Variants in TNFRSF10B observed in about 807,000 individuals in gnomAD.
The protein encoded by TNFRSF10B is TNF receptor superfamily member 10b.
In TNFRSF10B, 35 loss-of-function variants were observed where a neutral mutation model predicts 41.4. The observed-to-expected ratio is 0.85, with a 90% CI of 0.65 to 1.12. TNFRSF10B has a LOEUF of 1.12. Ranked by LOEUF, TNFRSF10B falls within the 50% of genes most tolerant of loss-of-function variation. TNFRSF10B has a pLI of 0.00. For synonymous variants in TNFRSF10B, 230 were observed against 215.5 expected, an observed-to-expected ratio of 1.07 and a Z score of -0.59; for missense variants, 584 against 552.7, an observed-to-expected ratio of 1.06 and a Z score of -0.57.
Position 23,024,913 on chromosome 8 carries a change from GT to G in TNFRSF10B, c.937-654del, listed in dbSNP as rs375517045. Reference sequence around the variant, plus strand: ...TCCCAGCACTCTGGGAGGCTGAGGTGTGAAGACTGCTTGAGCCCAGGAGTTT... The same window carrying G: ...TCCCAGCACTCTGGGAGGCTGAGGTGGAAGACTGCTTGAGCCCAGGAGTTT... On this transcript the variant is annotated intron_variant, in intron 7 of 8. Transcript: ENST00000276431. 6.7e-4 allele frequency among the ~76,000 whole-genome samples: 102 copies of G among 152,270 alleles called. 3 individuals carry two copies. In the East Asian group the frequency reaches 0.014, roughly 21 times the overall value.
Position 23,020,698 on chromosome 8 carries a change from A to G in TNFRSF10B, c.*1973T>C, listed in dbSNP as rs1274300056. 2 of 453,746 alleles carry G rather than the reference A, an allele frequency of 4.4e-6. No individual in the cohort carries two copies. Among genetic ancestry groups the G allele is most frequent in the Non-Finnish European group, 8.8e-6 (2 of 226,790 alleles). The allele number at this position is 453,746 out of a possible 1,614,324, so 28.1% of individuals were successfully genotyped here. A position where few individuals can be genotyped will look rare whatever the true frequency, so the allele number is the denominator to read the frequency against. On this transcript the variant is annotated 3_prime_UTR_variant, in exon 9 of 9. Coordinates refer to ENST00000276431, the MANE Select transcript of TNFRSF10B (RefSeq NM_003842.5). Reference sequence around the variant, plus strand: ...GAGAGTGAGATTCTGTCTCAAAAAAATTAAAAATAAAAGAAAAATCTTAAA... The same window carrying G: ...GAGAGTGAGATTCTGTCTCAAAAAAGTTAAAAATAAAAGAAAAATCTTAAA...
At chr8:23,046,425 A>C (rs767686231) in intron 1 of TNFRSF10B, among the ~76,000 whole-genome samples, 1 of 152,178 alleles carries the variant, frequency 6.6e-6, no homozygotes, top group Non-Finnish European at 1.5e-5. Flanking sequence ...TGAACAAAAC[A>C]GAAGAGACAA....
intron 1 of TNFRSF10B, among the ~76,000 whole-genome samples, chr8:23,059,293 A>T (rs555161537): frequency 2.6e-5 from 4 of 152,330 alleles, no homozygotes; most frequent in African/African-American, 9.6e-5. Flanking sequence ...ACTGCTATAA[A>T]CGTGGGTGTA....
In TNFRSF10B at chr8:23,022,967, C is replaced by A; in HGVS notation, c.1027G>T (p.Asp343Tyr). The A allele has an allele frequency of 2.5e-6, 4 of 1,612,706 alleles. No individual in the cohort carries two copies. The highest frequency in any genetic ancestry group is 3.4e-6 in the Non-Finnish European group (4 of 1,180,020). Residue 343 changes from aspartate (D) to tyrosine (Y), a missense_variant, in exon 9 of 9, where the codon GAT becomes TAT. Asp to Tyr is a radical substitution (Grantham distance 160). Coordinates refer to ENST00000276431, the MANE Select transcript of TNFRSF10B (RefSeq NM_003842.5). ...AAGGGCACCAAGTCTGCAAAGTCATCGAAGCACTGTCTCAGAGCTGGTGGA... is the reference window on the plus strand; with the variant it reads ...AAGGGCACCAAGTCTGCAAAGTCATAGAAGCACTGTCTCAGAGCTGGTGGA... ...DPTETLRQCF[D>Y]DFADLVPFDS... is the part of the protein sequence containing the mutation.
rs770800341 is a variant in TNFRSF10B at position 23,022,783 on chromosome 8, T to C, written c.1211A>G (p.Asp404Gly). Residue 404 changes from aspartate to glycine, a missense_variant, in exon 9 of 9, where the codon GAT becomes GGT. Coordinates refer to ENST00000276431, the MANE Select transcript of TNFRSF10B (RefSeq NM_003842.5). ...TCTCTCTCCCAGCGTCTCCAAGGCA[T>C]CCAGCAGGGTGTGGACAGAGGCATC... ...GRDASVHTLL[D>G]ALETLGERLA... The C allele has an allele frequency of 1.2e-6, 2 of 1,613,948 alleles. No individual in the cohort carries two copies.
chr8:23,030,687 C>T, intron 3 of TNFRSF10B, 72 bp downstream of exon 3: 2 of 1,167,832 alleles, frequency 1.7e-6, no homozygotes, highest in South Asian at 1.3e-5. Flanking sequence ...TCTCCTGATC[C>T]CATTTTAGCT....
Position 23,028,437 on chromosome 8 carries a change from G to A in TNFRSF10B, c.642C>T (p.Ile214=), listed in dbSNP as rs369564714. The A allele has an allele frequency of 1.3e-5, 21 of 1,614,098 alleles. No homozygotes were observed. In the African/African-American group the frequency reaches 2.8e-4, roughly 22 times the overall value. The stretch of plus-strand genomic sequence containing the variant: ...CGGCTGCAACTGTGACTCCTATGAT[G>A]ATGCCTGAGAGAGAACAGGGAGAGG... ...TPASPCSLSG[I]IIGVTVAAVV... Residue 214 remains isoleucine (I), a synonymous_variant, in exon 5 of 9, where the codon ATC becomes ATT. Transcript: ENST00000276431.
At position 23,022,831 on chromosome 8, in the gene TNFRSF10B, T is replaced by G; in HGVS notation, c.1163A>C (p.Lys388Thr). The G allele has an allele frequency of 6.2e-7, 1 of 1,614,008 alleles. No homozygotes were observed. The highest frequency in any genetic ancestry group is 1.1e-5 in the South Asian group (1 of 91,070). The change falls in exon 9 of 9, where the codon AAG becomes ACG. Residue 388 changes from lysine (K) to threonine (T), a missense_variant. Transcript: ENST00000276431. The part of the protein sequence containing the change: ...HRDTLYTMLI[K>T]WVNKTGRDAS... ...ATCTCGCCCGGTTTTGTTGACCCAC[T>G]TTATCAGCATCGTGTACAAGGTGTC...
intron 1 of TNFRSF10B, 141 bp downstream of exon 1, chr8:23,068,610 C>T: frequency 7.4e-7 from 1 of 1,344,226 alleles, no homozygotes; most frequent in Non-Finnish European, 9.9e-7. Context: ...CCCCCGACTC[C>T]GACGACTGGT....
At chr8:23,056,508 G>A (rs535798906) in intron 1 of TNFRSF10B, among the ~76,000 whole-genome samples, 6 of 152,026 alleles carry the variant, frequency 3.9e-5, no homozygotes, top group African/African-American at 7.2e-5. Flanking sequence ...AAAATTAGCC[G>A]GGCATGGTGG....
chr8:23,051,635 C>A (rs1362455778), intron 1 of TNFRSF10B, among the ~76,000 whole-genome samples: 5 of 151,954 alleles, frequency 3.3e-5, no homozygotes, highest in Non-Finnish European at 7.4e-5. Context: ...AGCTCTGCCT[C>A]CCGGGTTCAC....
chr8:23,053,923 A>G (rs1435801367), intron 1 of TNFRSF10B, among the ~76,000 whole-genome samples: 1 of 152,188 alleles, frequency 6.6e-6, no homozygotes, highest in African/African-American at 2.4e-5. Context: ...TAATTCTGAT[A>G]TATCTTAGTG....
intron 2 of TNFRSF10B, among the ~76,000 whole-genome samples, chr8:23,031,488 G>A (rs1811882366): frequency 6.6e-6 from 1 of 151,840 alleles, no homozygotes; most frequent in South Asian, 2.1e-4. Context: ...CGACCTCCCG[G>A]ACCCTCCCTC....
intron 2 of TNFRSF10B, among the ~76,000 whole-genome samples, chr8:23,037,787 T>C (rs1309240189): frequency 6.6e-6 from 1 of 152,220 alleles, no homozygotes; most frequent in Non-Finnish European, 1.5e-5. Context: ...AGACTGTCTA[T>C]GCTCTGAATT....
chr8:23,050,482 G>A (rs1812494968), intron 1 of TNFRSF10B, among the ~76,000 whole-genome samples: 1 of 152,134 alleles, frequency 6.6e-6, no homozygotes, highest in Non-Finnish European at 1.5e-5. Flanking sequence ...GCACGGGGGC[G>A]TGAAGGCCTT....
At chr8:23,040,800 A>G (rs997812248) in intron 2 of TNFRSF10B, among the ~76,000 whole-genome samples, 1 of 152,130 alleles carries the variant, frequency 6.6e-6, no homozygotes, top group African/African-American at 2.4e-5. Context: ...ATTAATATTG[A>G]AAGACATTCT....
chr8:23,022,657 G>A lies in TNFRSF10B; in HGVS notation c.*14C>T, dbSNP rs1305227182. The A allele has an allele frequency of 1.2e-6, 2 of 1,613,986 alleles. No individual in the cohort carries two copies. The highest frequency in any genetic ancestry group is 1.7e-5 in the Admixed American group (1 of 60,020). ...TAAACCAGGGAAGGTCTGACTTCCT[G>A]AAGAGAATCACACTTAGGACATGGC... is the stretch of plus-strand genomic sequence containing the variant. On this transcript the variant is annotated 3_prime_UTR_variant, in exon 9 of 9. Transcript: ENST00000276431.
intron 2 of TNFRSF10B, among the ~76,000 whole-genome samples, chr8:23,039,267 C>T (rs1812105145): frequency 6.6e-6 from 1 of 152,012 alleles, no homozygotes; most frequent in South Asian, 2.1e-4. Flanking sequence ...CCTAACAGGC[C>T]ACGGACCAGT....
chr8:23,045,153 C>G (rs1490844509), intron 1 of TNFRSF10B, among the ~76,000 whole-genome samples: 1 of 150,754 alleles, frequency 6.6e-6, no homozygotes, highest in African/African-American at 2.4e-5. Flanking sequence ...TCACTTGAAC[C>G]TGGGAGGTGA....
Sources: gnomAD v4.1 joint callset for allele counts (sites outside exome capture counted in the v4.1 genomes callset) on GRCh38, gnomAD v4.1.1 for gene constraint, MANE v1.5 for transcripts, NCBI Gene and HGNC (gene_info 2026-07-23, HGNC 2026-07-21) for gene names.